The following IGFBP5 variants were observed in gnomAD, a reference collection of about 807,000 sequenced individuals.
IGFBP5 encodes the protein insulin-like growth factor-binding protein 5.
Under a neutral mutation model 28.0 loss-of-function variants are expected in IGFBP5, and 12 were observed. The observed-to-expected ratio is 0.43, with a 90% confidence interval of 0.27 to 0.69. IGFBP5 has a LOEUF of 0.69. IGFBP5 is among the 30% of genes least tolerant of loss of function. The probability of loss-of-function intolerance (pLI) is 0.20; values close to 1 mark genes in which losing one functional copy is unlikely to be tolerated. For synonymous variants in IGFBP5, 152 were observed against 150.2 expected, an observed-to-expected ratio of 1.01 and a Z score of -0.09; for missense variants, 344 against 381.6, an observed-to-expected ratio of 0.90 and a Z score of 0.82.
In IGFBP5 at chr2:216,676,587, GC is replaced by G. The variant is rs1688901474; in HGVS notation, c.*163del. On this transcript the variant is annotated 3_prime_UTR_variant, in exon 4 of 4. Coordinates refer to ENST00000233813, the MANE Select transcript of IGFBP5 (RefSeq NM_000599.4). ...CTGTTGTTGCCATTTTCGAAGTTGA[GC>G]CCTTGCTAGAGATTCCGAGGTCCTC... 2 of 483,844 alleles carry G rather than the reference GC, an allele frequency of 4.1e-6. No homozygotes were observed. The highest frequency in any genetic ancestry group is 4.0e-5 in the Admixed American group (1 of 25,294). The allele number at this position is 483,844 out of a possible 1,614,324, so 30.0% of individuals were successfully genotyped here.
At chr2:216,690,867 G>C (rs1371938337) in intron 1 of IGFBP5, among the ~76,000 whole-genome samples, 1 of 148,810 alleles carries the variant, frequency 6.7e-6, no homozygotes, top group African/African-American at 2.5e-5. Flanking sequence ...TGACACAGCA[G>C]AAAGGTGGGG....
rs1230023746 is a variant in IGFBP5, at chr2:216,692,999, G to A, written c.337+1440C>T. ...TGCTCGTGAGTAACGGAAAGGGACA[G>A]GGAGGGAGAAGGGGATTGCCCCCGT... On this transcript the variant is annotated intron_variant, in intron 1 of 3. Transcript: ENST00000233813. The surrounding 1 kb of genome is among the most constrained non-coding windows in gnomAD (Gnocchi z 4.2). Among the ~76,000 whole-genome samples, 1 of 152,164 alleles carries A rather than the reference G, an allele frequency of 6.6e-6. No individual in the cohort carries two copies. Among genetic ancestry groups the A allele is most frequent in the African/African-American group, 2.4e-5 (1 of 41,450 alleles).
At chr2:216,677,451 C>T (rs1428812952) in intron 3 of IGFBP5, among the ~76,000 whole-genome samples, 51 of 152,226 alleles carry the variant, frequency 3.4e-4, no homozygotes, top group Admixed American at 3.3e-3. Context: ...CAATCACTCA[C>T]TCCTCATTCA....
At position 216,694,476 on chromosome 2, in the gene IGFBP5, G is replaced by A; in HGVS notation, c.300C>T (p.Cys100=). The A allele has an allele frequency of 6.3e-7, 1 of 1,585,960 alleles. No individual in the cohort carries two copies. Residue 100 remains cysteine (C), a synonymous_variant, in exon 1 of 4, where the codon TGC becomes TGT. Transcript: ENST00000233813. The surrounding 1 kb of genome is among the most constrained non-coding windows in gnomAD (Gnocchi z 5.2). ...LHALLHGRGV[C]LNEKSYREQV... ...GCTCGCGGTAGCTCTTTTCGTTGAG[G>A]CAAACCCCGCGGCCGTGCAGCAGGG...
rs1689149252 is a variant in IGFBP5 at position 216,694,823 on chromosome 2, A to C, written c.-48T>G. On this transcript the variant is annotated 5_prime_UTR_variant, in exon 1 of 4. Coordinates refer to ENST00000233813, the MANE Select transcript of IGFBP5 (RefSeq NM_000599.4). The surrounding 1 kb of genome is among the most constrained non-coding windows in gnomAD (Gnocchi z 5.2). ...CCTCGGGGTGGGGCAGGAGAGCGAG[A>C]GTGCAGGGATAAAGGGGCCAAGAGG... The C allele has an allele frequency of 7.7e-7, 1 of 1,294,214 alleles. No individual in the cohort carries two copies. Among genetic ancestry groups the C allele is most frequent in the Non-Finnish European group, 1.0e-6 (1 of 1,003,714 alleles). The allele number at this position is 1,294,214 out of a possible 1,614,324, so 80.2% of individuals were successfully genotyped here.
rs1688893301 is a variant in IGFBP5 at position 216,676,031 on chromosome 2, C to G, written c.*720G>C. 1 of 152,606 alleles carries G rather than the reference C, an allele frequency of 6.6e-6. No individual in the cohort carries two copies. The highest frequency in any genetic ancestry group is 2.4e-5 in the African/African-American group (1 of 41,436). 9.5% of individuals were successfully genotyped at this position (152,606 alleles called of 1,614,324 possible). A position where few individuals can be genotyped will look rare whatever the true frequency, so the allele number is the denominator to read the frequency against. On this transcript the variant is annotated 3_prime_UTR_variant, in exon 4 of 4. Transcript: ENST00000233813. ...ATATTCACAGATCTGCTTCCGAAAA[C>G]CTCTCTATTTAATATCACTCAATTA...
intron 3 of IGFBP5, 134 bp downstream of exon 3, chr2:216,677,978 G>T: frequency 1.4e-6 from 1 of 739,208 alleles, no homozygotes; most frequent in Non-Finnish European, 2.0e-6. Flanking sequence ...CGTGGTATAT[G>T]AATGGGTATC....
At position 216,672,306 on chromosome 2, in the gene IGFBP5, T is replaced by TG. The variant is rs1291650600; in HGVS notation, c.*4444_*4445insC. 1 of 150,862 alleles carries TG rather than the reference T, an allele frequency of 6.6e-6. No homozygotes were observed. The highest frequency in any genetic ancestry group is 2.5e-5 in the African/African-American group (1 of 40,716). 9.3% of individuals were successfully genotyped at this position (150,862 alleles called of 1,614,324 possible). A position where few individuals can be genotyped will look rare whatever the true frequency, so the allele number is the denominator to read the frequency against. On this transcript the variant is annotated 3_prime_UTR_variant, in exon 4 of 4. Transcript: ENST00000233813. ...CGAGCTCTTCCGCATTCAGGTGTTT[T>TG]TTTTTTTTTTTTCGGCTTTTTTTTT...
At position 216,676,714 on chromosome 2, in the gene IGFBP5, G is replaced by A. The variant is rs11575204; in HGVS notation, c.*37C>T. 0.046 allele frequency: 69,039 copies of A among 1,484,718 alleles called. 2,419 individuals carry two copies. Among genetic ancestry groups the A allele is most frequent in the African/African-American group, 0.15 (10,558 of 70,390 alleles). 92.0% of individuals were successfully genotyped at this position (1,484,718 alleles called of 1,614,324 possible). On this transcript the variant is annotated 3_prime_UTR_variant, in exon 4 of 4. Coordinates refer to ENST00000233813, the MANE Select transcript of IGFBP5 (RefSeq NM_000599.4). ...GCGCTGGCTGGAGTCGGGGCTGGGG[G>A]TGGGAGGGGGTGAGGGAAAGGTTGG...
At chr2:216,688,188 T>C (rs1355751845) in intron 1 of IGFBP5, among the ~76,000 whole-genome samples, 2 of 152,194 alleles carry the variant, frequency 1.3e-5, no homozygotes, top group Admixed American at 1.3e-4. Flanking sequence ...ATTGGAAAGA[T>C]TTTAAAGTAT....
Position 216,676,710 on chromosome 2 carries a change from G to A in IGFBP5, c.*41C>T, listed in dbSNP as rs775118510. 2 of 1,441,494 alleles carry A rather than the reference G, an allele frequency of 1.4e-6. No individual in the cohort carries two copies. Among genetic ancestry groups the A allele is most frequent in the Non-Finnish European group, 1.9e-6 (2 of 1,044,516 alleles). 89.3% of individuals were successfully genotyped at this position (1,441,494 alleles called of 1,614,324 possible). A position where few individuals can be genotyped will look rare whatever the true frequency, so the allele number is the denominator to read the frequency against. On this transcript the variant is annotated 3_prime_UTR_variant, in exon 4 of 4. Coordinates refer to ENST00000233813, the MANE Select transcript of IGFBP5 (RefSeq NM_000599.4). ...GGAGGCGCTGGCTGGAGTCGGGGCT[G>A]GGGGTGGGAGGGGGTGAGGGAAAGG... is the stretch of plus-strand genomic sequence containing the variant.
chr2:216,678,837 C>A lies in IGFBP5; in HGVS notation c.567+13G>T. 6.2e-7 allele frequency: 1 copy of A among 1,602,710 alleles called. No individual in the cohort carries two copies. The highest frequency in any genetic ancestry group is 8.5e-7 in the Non-Finnish European group (1 of 1,170,768). ...AAAAGCTGGGAGGGAATGAGGGAAT[C>A]CCCGAGATGCACCTGCTCAGACTCC... On this transcript the variant is annotated intron_variant, in intron 2 of 3. Coordinates refer to ENST00000233813, the MANE Select transcript of IGFBP5 (RefSeq NM_000599.4).
At chr2:216,690,751 G>A (rs1205339807) in intron 1 of IGFBP5, among the ~76,000 whole-genome samples, 1 of 151,846 alleles carries the variant, frequency 6.6e-6, no homozygotes, top group African/African-American at 2.4e-5. Flanking sequence ...GGATGGAGAA[G>A]GTCGGAGGGA....
rs1199746943 is a variant in IGFBP5, at chr2:216,692,565, A to C, written c.337+1874T>G. On this transcript the variant is annotated intron_variant, in intron 1 of 3. Coordinates refer to ENST00000233813, the MANE Select transcript of IGFBP5 (RefSeq NM_000599.4). This position sits in a 1 kb window ranked among gnomAD's most constrained non-coding sequence, Gnocchi z 4.2. Reference sequence around the variant, plus strand: ...TTTCGGTGTGACTGGATTGTTACCCAGGGCGGTGGCTCCCAAGCCGGGAAA... The same window carrying C: ...TTTCGGTGTGACTGGATTGTTACCCCGGGCGGTGGCTCCCAAGCCGGGAAA... Among the ~76,000 whole-genome samples the C allele has an allele frequency of 2.6e-5, 4 of 152,114 alleles. No individual in the cohort carries two copies. Among genetic ancestry groups the C allele is most frequent in the Non-Finnish European group, 4.4e-5 (3 of 68,018 alleles).
At chr2:216,684,329 CCA>C (rs1245687809) in intron 1 of IGFBP5, among the ~76,000 whole-genome samples, 4 of 152,226 alleles carry the variant, frequency 2.6e-5, no homozygotes, top group African/African-American at 9.6e-5. Context: ...GACCTCTTAG[CCA>C]CACCCCGGTG....
In IGFBP5 at chr2:216,694,834, AAAGGGGCC is replaced by A. The variant is rs1214409021; in HGVS notation, c.-67_-60del. ...GGCAGGAGAGCGAGAGTGCAGGGAT[AAAGGGGCC>A]AAGAGGGCCCCCGGAGATTTTTTTG... is the stretch of plus-strand genomic sequence containing the variant. On this transcript the variant is annotated 5_prime_UTR_variant, in exon 1 of 4. Coordinates refer to ENST00000233813, the MANE Select transcript of IGFBP5 (RefSeq NM_000599.4). This position sits in a 1 kb window ranked among gnomAD's most constrained non-coding sequence, Gnocchi z 5.2. The A allele has an allele frequency of 8.3e-7, 1 of 1,206,392 alleles. No homozygotes were observed. Among genetic ancestry groups the A allele is most frequent in the East Asian group, 3.1e-5 (1 of 31,770 alleles). 74.7% of individuals were successfully genotyped at this position (1,206,392 alleles called of 1,614,324 possible).
intron 1 of IGFBP5, among the ~76,000 whole-genome samples, chr2:216,683,853 A>G (rs904542505): frequency 6.6e-6 from 1 of 152,184 alleles, no homozygotes; most frequent in African/African-American, 2.4e-5. Flanking sequence ...TGGCTTCTAT[A>G]TAATACCTCC....
At chr2:216,687,245 A>T (rs1689042907) in intron 1 of IGFBP5, among the ~76,000 whole-genome samples, 1 of 152,126 alleles carries the variant, frequency 6.6e-6, no homozygotes, top group Non-Finnish European at 1.5e-5. Context: ...ACCCGTCTCC[A>T]CTTAGAGAGC....
Position 216,675,596 on chromosome 2 carries a change from C to T in IGFBP5, c.*1155G>A, listed in dbSNP as rs1026016019. On this transcript the variant is annotated 3_prime_UTR_variant, in exon 4 of 4. Transcript: ENST00000233813. Reference sequence around the variant, plus strand: ...TTATTGCTCACGGGAAACTCTGCCTCGAGGCAGGCAAAAATGCTATTACGG... The same window carrying T: ...TTATTGCTCACGGGAAACTCTGCCTTGAGGCAGGCAAAAATGCTATTACGG... 1 of 151,870 alleles carries T rather than the reference C, an allele frequency of 6.6e-6. No homozygotes were observed. Among genetic ancestry groups the T allele is most frequent in the African/African-American group, 2.4e-5 (1 of 41,322 alleles). The allele number at this position is 151,870 out of a possible 1,614,324, so 9.4% of individuals were successfully genotyped here.
Sources: gnomAD v4.1 joint callset for allele counts (sites outside exome capture counted in the v4.1 genomes callset) on GRCh38, gnomAD v4.1.1 for gene constraint, Gnocchi (gnomAD v3.1) non-coding constraint, MANE v1.5 for transcripts, NCBI Gene and HGNC (gene_info 2026-07-23, HGNC 2026-07-21) for gene names.